The following ITGA11 variants were observed in gnomAD, a reference collection of about 807,000 sequenced individuals.
The protein encoded by ITGA11 is integrin subunit alpha 11, also known as integrin alpha-11.
Under a neutral mutation model 141.9 loss-of-function variants are expected in ITGA11, and 97 were observed. The observed-to-expected ratio is 0.68, with a 90% CI of 0.58 to 0.81. The LOEUF (loss-of-function observed/expected upper bound fraction) is 0.81. ITGA11 is among the 30% of genes least tolerant of loss of function. The pLI, the probability that ITGA11 is intolerant of heterozygous loss-of-function variation, is 0.00. For missense variants in ITGA11, 1,387 were observed against 1,559.2 expected, an observed-to-expected ratio of 0.89 and a Z score of 1.86; for synonymous variants, 658 against 624.6, an observed-to-expected ratio of 1.05 and a Z score of -0.80.
At chr15:68,408,847 T>C (rs1595895518) in intron 1 of ITGA11, among the ~76,000 whole-genome samples, 1 of 152,172 alleles carries the variant, frequency 6.6e-6, no homozygotes, top group East Asian at 1.9e-4. Flanking sequence ...GGATGGGCTT[T>C]CAGTTCTGGG....
intron 1 of ITGA11, among the ~76,000 whole-genome samples, chr15:68,418,198 T>C (rs1281351832): frequency 3.9e-5 from 6 of 152,246 alleles, no homozygotes; most frequent in African/African-American, 1.2e-4. Flanking sequence ...CTCCCCACTT[T>C]ATCCTTAGCA....
intron 2 of ITGA11, among the ~76,000 whole-genome samples, chr15:68,386,970 A>G (rs1375881088): frequency 6.6e-6 from 1 of 151,954 alleles, no homozygotes; most frequent in African/African-American, 2.4e-5. Flanking sequence ...TATCTCACCC[A>G]TGTCTATCAG....
chr15:68,378,175 A>G (rs1287822477), intron 2 of ITGA11, among the ~76,000 whole-genome samples: 2 of 152,354 alleles, frequency 1.3e-5, no homozygotes, highest in Admixed American at 1.3e-4. Flanking sequence ...GCCTCTGTTT[A>G]CTTTCTTGCC....
chr15:68,303,114 C>T lies in ITGA11; in HGVS notation c.3512G>A (p.Ser1171Asn), dbSNP rs1238380963. ...ACCAGGCTCCCTCCTGCGCCTGGCACTTCTAAAGAAGCCGAGCTGTGAGGA... is the reference window on the plus strand; with the variant it reads ...ACCAGGCTCCCTCCTGCGCCTGGCATTTCTAAAGAAGCCGAGCTGTGAGGA... The part of the protein sequence containing the change: ...LALWKLGFFR[S>N]ARRRREPGLD... The change falls in exon 30 of 30, where the codon AGT becomes AAT. Residue 1171 changes from serine to asparagine, a missense_variant. Transcript: ENST00000315757. This position sits in a 1 kb window ranked among gnomAD's most constrained non-coding sequence, Gnocchi z 5.3. The T allele has an allele frequency of 1.9e-6, 3 of 1,551,480 alleles. No individual in the cohort carries two copies. In the East Asian group the frequency reaches 7.3e-5, roughly 38 times the overall value.
At chr15:68,420,604 G>A (rs1896995275) in intron 1 of ITGA11, among the ~76,000 whole-genome samples, 1 of 152,114 alleles carries the variant, frequency 6.6e-6, no homozygotes, top group South Asian at 2.1e-4. Context: ...TAAGGAGGAG[G>A]ATTGGCTTAT....
Position 68,307,393 on chromosome 15 carries a change from C to T in ITGA11, c.3336G>A (p.Gln1112=). ...KIMVNAALQR[Q]FHSPFIFREE... The stretch of plus-strand genomic sequence containing the variant: ...CACGGAAGATGAAGGGGCTGTGGAA[C>T]TGCCTCTGCAAGGCTGCGTTGACCA... Residue 1112 remains glutamine, a synonymous_variant, in exon 28 of 30, where the codon CAG becomes CAA. Coordinates refer to ENST00000315757, the MANE Select transcript of ITGA11 (RefSeq NM_001004439.2). This position sits in a 1 kb window ranked among gnomAD's most constrained non-coding sequence, Gnocchi z 6.1. 3 of 1,559,010 alleles carry T rather than the reference C, an allele frequency of 1.9e-6. No individual in the cohort carries two copies. Among genetic ancestry groups the T allele is most frequent in the Non-Finnish European group, 2.6e-6 (3 of 1,150,608 alleles).
At chr15:68,341,815 G>A (rs16951819) in intron 10 of ITGA11, among the ~76,000 whole-genome samples, 7 of 152,202 alleles carry the variant, frequency 4.6e-5, no homozygotes, top group East Asian at 1.9e-4. Flanking sequence ...GCCCAGGGGC[G>A]TGGGATTCAG....
At chr15:68,342,068 C>T (rs1194534796) in intron 10 of ITGA11, among the ~76,000 whole-genome samples, 2 of 152,158 alleles carry the variant, frequency 1.3e-5, no homozygotes, top group Non-Finnish European at 2.9e-5. Flanking sequence ...AGGTTAAGGC[C>T]ACTGAAGCAA....
At chr15:68,368,678 G>A (rs1032759048) in intron 3 of ITGA11, among the ~76,000 whole-genome samples, 1 of 152,112 alleles carries the variant, frequency 6.6e-6, no homozygotes, top group Non-Finnish European at 1.5e-5. Context: ...GAGTGACCCC[G>A]GGCAGGTCCC....
At chr15:68,428,814 C>T (rs1401053878) in intron 1 of ITGA11, among the ~76,000 whole-genome samples, 1 of 152,280 alleles carries the variant, frequency 6.6e-6, no homozygotes, top group East Asian at 1.9e-4. Context: ...CCACAATACA[C>T]CCACATCAAG....
chr15:68,351,163 G>A (rs746762717), intron 8 of ITGA11, 95 bp downstream of exon 8: 2 of 1,358,378 alleles, frequency 1.5e-6, no homozygotes, highest in African/African-American at 2.9e-5. Context: ...GGACACTTGT[G>A]ATACTGCCTG....
At chr15:68,364,910 G>T (rs565414862) in intron 3 of ITGA11, 112 bp from the exon 4 acceptor site, 1 of 1,058,280 alleles carries the variant, frequency 9.4e-7, no homozygotes, top group East Asian at 2.5e-5. Flanking sequence ...CTGACCCTGG[G>T]GACCTCTGGC....
rs939642590 is a variant in ITGA11, at chr15:68,403,165, C to G, written c.53-136G>C. 3.3e-5 allele frequency: 21 copies of G among 644,910 alleles called. No homozygotes were observed. In the African/African-American group the frequency reaches 3.6e-4, roughly 11 times the overall value. 39.9% of individuals were successfully genotyped at this position (644,910 alleles called of 1,614,324 possible). On this transcript the variant is annotated intron_variant, in intron 1 of 29. Coordinates refer to ENST00000315757, the MANE Select transcript of ITGA11 (RefSeq NM_001004439.2). ...CTGTGGGACAAGCATGTTTCCCCAT[C>G]TTGGGGAGTCCCTGTATGAGGTGGC...
intron 2 of ITGA11, among the ~76,000 whole-genome samples, chr15:68,390,298 G>T (rs1322230159): frequency 6.6e-6 from 1 of 152,102 alleles, no homozygotes; most frequent in African/African-American, 2.4e-5. Flanking sequence ...TGTTTACTGC[G>T]GGCCCTTGAC....
intron 15 of ITGA11, among the ~76,000 whole-genome samples, chr15:68,330,073 ATCGGTGCTCTCT>A (rs1894106075): frequency 6.6e-6 from 1 of 152,236 alleles, no homozygotes; most frequent in Middle Eastern, 3.2e-3. Context: ...CTCGCTCGGC[ATCGGTGCTCTCT>A]TCCGGCTTCA....
chr15:68,394,918 T>G (rs979529773), intron 2 of ITGA11, among the ~76,000 whole-genome samples: 3 of 152,176 alleles, frequency 2.0e-5, no homozygotes, highest in Non-Finnish European at 4.4e-5. Flanking sequence ...TTGAGATCCA[T>G]TCCAAGATGG....
At position 68,366,309 on chromosome 15, in the gene ITGA11, C is replaced by G. The variant is rs534447488; in HGVS notation, c.266-1511G>C. 2.0e-5 allele frequency among the ~76,000 whole-genome samples: 3 copies of G among 152,238 alleles called. No individual in the cohort carries two copies. In the East Asian group the frequency reaches 5.8e-4, roughly 29 times the overall value. On this transcript the variant is annotated intron_variant, in intron 3 of 29. Coordinates refer to ENST00000315757, the MANE Select transcript of ITGA11 (RefSeq NM_001004439.2). The stretch of plus-strand genomic sequence containing the variant: ...ATCATTTCCATTTTACAGATGAGAA[C>G]ATTGAGGTGTAGAGAGGGTTAGTGA...
At chr15:68,363,780 CT>C (rs1895328736) in intron 4 of ITGA11, among the ~76,000 whole-genome samples, 1 of 152,224 alleles carries the variant, frequency 6.6e-6, no homozygotes, top group Non-Finnish European at 1.5e-5. Flanking sequence ...ACGCAGCTCA[CT>C]CCAAGGTGGT....
chr15:68,349,709 G>A (rs3784350), intron 9 of ITGA11, among the ~76,000 whole-genome samples: 57,569 of 151,912 alleles, frequency 0.38, 11,113 homozygotes, highest in Middle Eastern at 0.47. Flanking sequence ...AGGGCCCACT[G>A]TAGCAATTTA....
Sources: gnomAD v4.1 joint callset for allele counts (sites outside exome capture counted in the v4.1 genomes callset) on GRCh38, gnomAD v4.1.1 for gene constraint, Gnocchi (gnomAD v3.1) non-coding constraint, MANE v1.5 for transcripts, NCBI Gene and HGNC (gene_info 2026-07-23, HGNC 2026-07-21) for gene names.